The following CLSTN3 variants were observed in gnomAD, a reference collection of about 807,000 sequenced individuals.
CLSTN3 encodes the protein calsyntenin 3, also known as calsyntenin-3.
CLSTN3 carries 36 observed loss-of-function variants against 95.9 expected under a neutral mutation model. That is an observed-to-expected ratio of 0.38 (90% CI 0.29 to 0.50). The LOEUF (loss-of-function observed/expected upper bound fraction) is 0.50, where lower values mean the gene tolerates loss of function less well. Ranked by LOEUF, CLSTN3 falls within the 20% of genes least tolerant of loss-of-function variation. The probability of loss-of-function intolerance (pLI) is 0.95; values close to 1 mark genes in which losing one functional copy is unlikely to be tolerated. For missense variants in CLSTN3, 1,084 were observed against 1,268.8 expected, an observed-to-expected ratio of 0.85 and a Z score of 2.21; for synonymous variants, 481 against 504.0, an observed-to-expected ratio of 0.95 and a Z score of 0.61.
chr12:7,145,442 T>A (rs1332278547), intron 12 of CLSTN3, among the ~76,000 whole-genome samples: 4 of 152,142 alleles, frequency 2.6e-5, no homozygotes, highest in Admixed American at 2.6e-4. Flanking sequence ...CTGATGCATT[T>A]CCTTGCCCCT....
chr12:7,131,859 C>T (rs1684762218), intron 1 of CLSTN3: 1 of 456,298 alleles, frequency 2.2e-6, no homozygotes, highest in Admixed American at 2.4e-5. Context: ...CTTCCCATGC[C>T]AAAGGCTTGC....
intron 6 of CLSTN3, 90 bp downstream of exon 6, chr12:7,136,481 T>C: frequency 8.0e-7 from 1 of 1,246,540 alleles, no homozygotes; most frequent in Non-Finnish European, 1.1e-6. Flanking sequence ...ACATCACCAC[T>C]GGCCATCCAC....
chr12:7,140,344 G>A (rs1939505001), intron 8 of CLSTN3, among the ~76,000 whole-genome samples: 1 of 152,174 alleles, frequency 6.6e-6, no homozygotes, highest in African/African-American at 2.4e-5. Context: ...GGAGAATCTG[G>A]CATTCAGAGG....
At chr12:7,134,486 C>T (rs1939366845) in intron 3 of CLSTN3, among the ~76,000 whole-genome samples, 1 of 152,256 alleles carries the variant, frequency 6.6e-6, no homozygotes, top group Admixed American at 6.5e-5. Context: ...AGATAGGACC[C>T]TTGCCTCTGG....
At chr12:7,132,887 CT>C (rs1939332382) in intron 1 of CLSTN3, 136 bp from the exon 2 acceptor site, 2 of 1,180,484 alleles carry the variant, frequency 1.7e-6, no homozygotes, top group Non-Finnish European at 1.2e-6. Context: ...AACCACCCGC[CT>C]CCTGTAAGGT....
intron 12 of CLSTN3, among the ~76,000 whole-genome samples, chr12:7,147,477 C>T (rs1939639235): frequency 6.8e-6 from 1 of 147,614 alleles, no homozygotes; most frequent in Non-Finnish European, 1.5e-5. Context: ...CTGGTTTAAG[C>T]CTTGATTGTT....
At position 7,137,261 on chromosome 12, in the gene CLSTN3, C is replaced by T. The variant is rs762753180; in HGVS notation, c.1210+151C>T. 3 of 713,074 alleles carry T rather than the reference C, an allele frequency of 4.2e-6. No individual in the cohort carries two copies. The highest frequency in any genetic ancestry group is 6.9e-6 in the Non-Finnish European group (3 of 437,648). 44.2% of individuals were successfully genotyped at this position (713,074 alleles called of 1,614,324 possible). Reference sequence around the variant, plus strand: ...AGGTGTGATATGCCTTGATTCTGTGCTTTATCCCCAACATGACATGTTGGA... The same window carrying T: ...AGGTGTGATATGCCTTGATTCTGTGTTTTATCCCCAACATGACATGTTGGA... On this transcript the variant is annotated intron_variant, in intron 7 of 17. Coordinates refer to ENST00000266546, the MANE Select transcript of CLSTN3 (RefSeq NM_014718.4). The surrounding 1 kb of genome is among the most constrained non-coding windows in gnomAD (Gnocchi z 4.4).
At chr12:7,131,828 G>A (rs1939310458) in intron 1 of CLSTN3, 1 of 456,330 alleles carries the variant, frequency 2.2e-6, no homozygotes, top group African/African-American at 2.0e-5. Flanking sequence ...AAGGGGTTAT[G>A]GTGGTCATCA....
rs150491757 is a variant in CLSTN3 at position 7,136,374 on chromosome 12, C to T, written c.911C>T (p.Ala304Val). ...GCDRDNYSER[A>V]LRKLCGAATG... ...GACCGTGACAACTACTCAGAGCGGG[C>T]GCTGCGGAAACTCTGTGGTAGGTGT... Residue 304 changes from alanine to valine, a missense_variant, in exon 6 of 18, where the codon GCG becomes GTG. Ala to Val is a moderately conservative substitution (Grantham distance 64, BLOSUM62 0). Coordinates refer to ENST00000266546, the MANE Select transcript of CLSTN3 (RefSeq NM_014718.4). 73 of 1,611,770 alleles carry T rather than the reference C, an allele frequency of 4.5e-5. No individual in the cohort carries two copies. In the African/African-American group the frequency reaches 5.3e-4, roughly 12 times the overall value.
intron 16 of CLSTN3, among the ~76,000 whole-genome samples, chr12:7,154,678 G>T (rs773909175): frequency 6.6e-6 from 1 of 152,174 alleles, no homozygotes; most frequent in Non-Finnish European, 1.5e-5. Flanking sequence ...TGGGAGCCAC[G>T]TGTCAGTGGT....
At chr12:7,129,579 A>G (rs1939239474), upstream of CLSTN3, 36 of 982,576 alleles carry the variant, frequency 3.7e-5, no homozygotes, top group Non-Finnish European at 4.0e-5. This position sits in a 1 kb window ranked among gnomAD's most constrained non-coding sequence, Gnocchi z 5.5. Flanking sequence ...CCTCTGAGTC[A>G]TCGATGAGAC....
chr12:7,156,487 A>G (rs910794024), intron 16 of CLSTN3: 2 of 456,632 alleles, frequency 4.4e-6, no homozygotes, highest in Non-Finnish European at 8.8e-6. Flanking sequence ...TGCTGCACAT[A>G]TGGCTCTACC....
intron 1 of CLSTN3, chr12:7,131,151 A>G: frequency 3.6e-6 from 1 of 275,968 alleles, no homozygotes; most frequent in Admixed American, 5.0e-5. Flanking sequence ...TCCTGGGGAG[A>G]AAGTATTTGC....
chr12:7,148,916 G>C (rs778206810), intron 12 of CLSTN3, 56 bp from the exon 13 acceptor site: 39 of 1,485,494 alleles, frequency 2.6e-5, no homozygotes, highest in Non-Finnish European at 3.5e-5. Context: ...CAGAATGTGG[G>C]TTTTCGGGGA....
chr12:7,133,890 C>T lies in CLSTN3; in HGVS notation c.383+122C>T, dbSNP rs1484892602. ...CCCCCACCCGCTGCTGTTCCTAGGA[C>T]TTAGGGAGCCCCATCCCCTGCTGTT... On this transcript the variant is annotated intron_variant, in intron 3 of 17. Transcript: ENST00000266546. This position sits in a 1 kb window ranked among gnomAD's most constrained non-coding sequence, Gnocchi z 4.7. The T allele has an allele frequency of 7.6e-6, 6 of 785,248 alleles. No homozygotes were observed. The African/African-American group carries it at 1.1e-4, about 14-fold the overall frequency. 48.6% of individuals were successfully genotyped at this position (785,248 alleles called of 1,614,324 possible).
At chr12:7,132,722 C>T in intron 1 of CLSTN3, 2 of 589,068 alleles carry the variant, frequency 3.4e-6, no homozygotes, top group South Asian at 2.1e-5. Flanking sequence ...AGAACATTCT[C>T]CACTTCCTGA....
chr12:7,143,790 C>T (rs564395929), intron 12 of CLSTN3, among the ~76,000 whole-genome samples: 72 of 152,344 alleles, frequency 4.7e-4, no homozygotes, highest in Non-Finnish European at 8.7e-4. Flanking sequence ...CAAATCTGGC[C>T]TGCCCACCTG....
At position 7,149,788 on chromosome 12, in the gene CLSTN3, G is replaced by A. The variant is rs1463338715; in HGVS notation, c.2245+95G>A. ...CCAGAGGGTCCTCCTTCCAGGTCCA[G>A]GGATGTGGACAAGTGCCGTTTTGCA... On this transcript the variant is annotated intron_variant, in intron 14 of 17. Transcript: ENST00000266546. The surrounding 1 kb of genome is among the most constrained non-coding windows in gnomAD (Gnocchi z 4.5). 1.7e-6 allele frequency: 2 copies of A among 1,208,718 alleles called. No individual in the cohort carries two copies. The highest frequency in any genetic ancestry group is 3.1e-5 in the African/African-American group (2 of 65,316). 74.9% of individuals were successfully genotyped at this position (1,208,718 alleles called of 1,614,324 possible).
Position 7,157,912 on chromosome 12 carries a change from C to A in CLSTN3, c.2731-29C>A, listed in dbSNP as rs1308594372. On this transcript the variant is annotated intron_variant, in intron 17 of 17. Transcript: ENST00000266546. This position sits in a 1 kb window ranked among gnomAD's most constrained non-coding sequence, Gnocchi z 5.9. ...GCTGGGATGTGTGCAGGCCATTGAT[C>A]CCTTCTCCTCTCTGTTCCTGCCCTC... 1.3e-6 allele frequency: 2 copies of A among 1,548,436 alleles called. No homozygotes were observed. Among genetic ancestry groups the A allele is most frequent in the Admixed American group, 3.9e-5 (2 of 50,928 alleles).
Sources: allele counts gnomAD v4.1 joint callset (sites outside exome capture counted in the v4.1 genomes callset), GRCh38; gene constraint gnomAD v4.1.1; non-coding constraint Gnocchi (gnomAD v3.1); transcripts MANE v1.5; gene names NCBI Gene and HGNC (gene_info 2026-07-23, HGNC 2026-07-21).